The following CIT variants were observed in gnomAD, a reference collection of about 807,000 sequenced individuals.
The protein encoded by CIT is citron rho-interacting serine/threonine kinase, also known as citron Rho-interacting kinase.
CIT carries 79 observed loss-of-function variants against 272.7 expected under a neutral mutation model. The ratio of observed to expected loss-of-function variants is 0.29; its 90% CI spans 0.24 to 0.35. The LOEUF (loss-of-function observed/expected upper bound fraction) is 0.35. Among genes scored for constraint, CIT ranks in the 10% least tolerant of loss-of-function variants. The pLI is 1.00. For synonymous variants in CIT, 948 were observed against 995.6 expected (o/e 0.95, Z 0.90); for missense variants, 1,909 against 2,618.3 (o/e 0.73, Z 5.91).
chr12:119,776,491 C>A (rs1963761322), intron 14 of CIT, 83 bp from the exon 15 acceptor site: 1 of 1,257,384 alleles, frequency 8.0e-7, no homozygotes, highest in Non-Finnish European at 1.1e-6. Flanking sequence ...TCTCTGTGAC[C>A]AAGATAATAA....
At chr12:119,868,355 G>C (rs554953382) in intron 3 of CIT, among the ~76,000 whole-genome samples, 231 of 152,186 alleles carry the variant, frequency 1.5e-3, no homozygotes, top group African/African-American at 5.0e-3. Context: ...TTAATTAAAA[G>C]TAATTAAATT....
chr12:119,853,769 A>G (rs1248630453), intron 4 of CIT, among the ~76,000 whole-genome samples: 2 of 152,184 alleles, frequency 1.3e-5, no homozygotes, highest in African/African-American at 4.8e-5. Context: ...GTGTCCAAGG[A>G]AGGCTGAACT....
chr12:119,765,202 G>C (rs1294496421), intron 19 of CIT, among the ~76,000 whole-genome samples: 1 of 151,648 alleles, frequency 6.6e-6, no homozygotes, highest in Admixed American at 6.6e-5. Context: ...AAAAAGATAT[G>C]AATCTACTCA....
At chr12:119,844,375 T>G (rs1969645324) in intron 5 of CIT, among the ~76,000 whole-genome samples, 1 of 152,048 alleles carries the variant, frequency 6.6e-6, no homozygotes, top group South Asian at 2.1e-4. Flanking sequence ...GACATCACCT[T>G]GTAATCAAAC....
chr12:119,828,086 T>C (rs1408868078), intron 7 of CIT, among the ~76,000 whole-genome samples: 1 of 152,182 alleles, frequency 6.6e-6, no homozygotes. Context: ...TTCAAACTAA[T>C]GATAAGACTT....
chr12:119,856,957 G>A (rs139732849), intron 4 of CIT, among the ~76,000 whole-genome samples: 4 of 152,230 alleles, frequency 2.6e-5, no homozygotes, highest in African/African-American at 7.2e-5. Flanking sequence ...CAAGGCTGAC[G>A]GCCATCTCTC....
At chr12:119,875,819 T>C (rs951147692) in intron 2 of CIT, among the ~76,000 whole-genome samples, 1 of 151,970 alleles carries the variant, frequency 6.6e-6, no homozygotes, top group Admixed American at 6.6e-5. Context: ...CCGTCTCTAC[T>C]AAAAAGAAAA....
At chr12:119,753,732 G>A (rs1302716929) in intron 22 of CIT, among the ~76,000 whole-genome samples, 1 of 144,584 alleles carries the variant, frequency 6.9e-6, no homozygotes, top group Non-Finnish European at 1.5e-5. Flanking sequence ...GCGAGACTCT[G>A]CCTCAAAAAA....
chr12:119,753,989 ACCTGGAT>A (rs1255923602), intron 22 of CIT, among the ~76,000 whole-genome samples: 3 of 152,148 alleles, frequency 2.0e-5, no homozygotes, highest in African/African-American at 7.2e-5. Context: ...TGGATTGGCA[ACCTGGAT>A]CCAGGAGGCC....
chr12:119,738,845 T>C (rs1455325522), intron 24 of CIT, among the ~76,000 whole-genome samples: 7 of 149,140 alleles, frequency 4.7e-5, no homozygotes, highest in Admixed American at 2.0e-4. Flanking sequence ...ATCACGCCAT[T>C]GCACCCCAGC....
At chr12:119,812,898 T>C (rs984341243) in intron 9 of CIT, among the ~76,000 whole-genome samples, 2 of 152,210 alleles carry the variant, frequency 1.3e-5, no homozygotes, top group African/African-American at 4.8e-5. Context: ...GGCCATGTTT[T>C]ACTAGAAGGT....
rs1382241689 is a variant in CIT at position 119,817,165 on chromosome 12, G to A, written c.1111+5655C>T. On this transcript the variant is annotated intron_variant, in intron 9 of 47. Transcript: ENST00000392521. ...GTTATAGGTTAGCAGGATGCTGTATGTGGGGAAGAGATCACCAGGTCACAG... is the reference window on the plus strand; with the variant it reads ...GTTATAGGTTAGCAGGATGCTGTATATGGGGAAGAGATCACCAGGTCACAG... Among the ~76,000 whole-genome samples the A allele has an allele frequency of 2.0e-5, 3 of 152,316 alleles. No homozygotes were observed. The East Asian group carries it at 5.8e-4, about 29-fold the overall frequency.
intron 23 of CIT, among the ~76,000 whole-genome samples, chr12:119,744,352 A>T (rs1390056645): frequency 6.6e-6 from 1 of 151,728 alleles, no homozygotes; most frequent in Admixed American, 6.6e-5. Context: ...CCAAATAAGA[A>T]CCCAGAACCC....
Position 119,827,819 on chromosome 12 carries a change from T to C in CIT, c.754-2451A>G, listed in dbSNP as rs139357235. On this transcript the variant is annotated intron_variant, in intron 7 of 47. Transcript: ENST00000392521. ...TGACTAGGTAATGAAAATGCTACTATATTGTTGATTAAATACTTATCCTTT... is the reference window on the plus strand; with the variant it reads ...TGACTAGGTAATGAAAATGCTACTACATTGTTGATTAAATACTTATCCTTT... 5.9e-5 allele frequency among the ~76,000 whole-genome samples: 9 copies of C among 152,336 alleles called. 1 individual carries two copies. Among genetic ancestry groups the C allele is most frequent in the African/African-American group, 2.2e-4 (9 of 41,578 alleles).
chr12:119,775,754 G>A, intron 16 of CIT, 32 bp downstream of exon 16: 2 of 1,567,836 alleles, frequency 1.3e-6, no homozygotes, highest in Non-Finnish European at 1.8e-6. Context: ...GGTGGTGGGG[G>A]GTAAGTTCCT....
rs1458526897 is a variant in CIT at position 119,875,320 on chromosome 12, CAATG to C, written c.96+749_96+752del. On this transcript the variant is annotated intron_variant, in intron 2 of 47. Transcript: ENST00000392521. ...CCTGTCTTGCAAGCAACCAATCAAT[CAATG>C]AATGAATAAACTTTAGTACAGAAGT... is the stretch of plus-strand genomic sequence containing the variant. 9.9e-5 allele frequency among the ~76,000 whole-genome samples: 15 copies of C among 152,272 alleles called. No homozygotes were observed. In the East Asian group the frequency reaches 2.5e-3, roughly 25 times the overall value.
At chr12:119,812,629 G>A (rs473430) in intron 9 of CIT, among the ~76,000 whole-genome samples, 102,034 of 151,614 alleles carry the variant, frequency 0.67, 34,573 homozygotes, top group East Asian at 0.84. Context: ...TTATTTTTTG[G>A]TAGAGACAGG....
At chr12:119,722,591 G>A (rs1330053569) in intron 28 of CIT, among the ~76,000 whole-genome samples, 1 of 152,092 alleles carries the variant, frequency 6.6e-6, no homozygotes, top group East Asian at 1.9e-4. Context: ...CCTGGATGCT[G>A]GATTCTTACA....
chr12:119,866,810 C>CA (rs56218289), intron 3 of CIT, among the ~76,000 whole-genome samples: 45 of 149,656 alleles, frequency 3.0e-4, no homozygotes, highest in African/African-American at 9.6e-4. Flanking sequence ...GACTTTGTCT[C>CA]AAAAAAAAAT....
Sources: allele counts gnomAD v4.1 joint callset (sites outside exome capture counted in the v4.1 genomes callset), GRCh38; gene constraint gnomAD v4.1.1; transcripts MANE v1.5; gene names NCBI Gene and HGNC (gene_info 2026-07-23, HGNC 2026-07-21).